TENM1: variants seen among roughly 807,000 people sequenced by gnomAD.
The protein encoded by TENM1 is teneurin transmembrane protein 1, also known as teneurin-1.
A neutral mutation model predicts 174.8 loss-of-function variants in TENM1; 35 were observed. The ratio of observed to expected loss-of-function variants is 0.20; its 90% CI spans 0.15 to 0.27. The LOEUF is 0.27. TENM1 is among the 10% of genes least tolerant of loss of function. TENM1 has a pLI of 1.00. For missense variants in TENM1, 1,633 were observed against 2,130.1 expected, an observed-to-expected ratio of 0.77 and a Z score of 4.59; for synonymous variants, 781 against 798.7, an observed-to-expected ratio of 0.98 and a Z score of 0.37.
intron 16 of TENM1, among the ~76,000 whole-genome samples, chrX:124,524,038 C>T (rs2047917687): frequency 9.1e-6 from 1 of 109,483 alleles, no homozygotes; most frequent in Non-Finnish European, 1.9e-5. Context: ...CCATGCAAGG[C>T]TAATTTTTGT....
At chrX:125,155,882 C>T in the TENM1 span, among the ~76,000 whole-genome samples, 16 of 112,514 alleles carry the variant, frequency 1.4e-4, no homozygotes, top group South Asian at 5.5e-3. Context: ...CGGCTCTGGC[C>T]TCGGCCAGCC....
At chrX:124,956,540 C>T (rs927042633) in intron 1 of TENM1, among the ~76,000 whole-genome samples, 2 of 111,906 alleles carry the variant, frequency 1.8e-5, no homozygotes, top group Non-Finnish European at 3.8e-5. Context: ...CATTCCATTC[C>T]AGTTTTAGAT....
the TENM1 span, among the ~76,000 whole-genome samples, chrX:125,124,955 G>T: frequency 8.9e-6 from 1 of 112,205 alleles, no homozygotes; most frequent in East Asian, 2.8e-4. Context: ...GGTCAAAATA[G>T]CCCTTAACTT....
At chrX:124,582,564 T>A (rs751892761) in intron 11 of TENM1, among the ~76,000 whole-genome samples, 1 of 111,960 alleles carries the variant, frequency 8.9e-6, no homozygotes. Flanking sequence ...ATGCTACTTA[T>A]TGAGGTGGAA....
chrX:124,903,598 C>T (rs1603269303), intron 1 of TENM1, among the ~76,000 whole-genome samples: 1 of 112,100 alleles, frequency 8.9e-6, no homozygotes, highest in African/African-American at 3.2e-5. Flanking sequence ...CCTTAGTGAA[C>T]GGCTCCATTT....
rs772258933 is a variant in TENM1 at position 124,526,552 on chromosome X, A to T, written c.2772-2927T>A. On this transcript the variant is annotated intron_variant, in intron 16 of 31. Transcript: ENST00000422452. ...CTAAACCATTTCCAATGCCAAATAG[A>T]ATGCTGAATGATTACTTCTTTGGGA... 1.7e-4 allele frequency among the ~76,000 whole-genome samples: 19 copies of T among 112,081 alleles called. No homozygotes were observed. In the South Asian group the frequency reaches 7.2e-3, roughly 42 times the overall value.
the TENM1 span, among the ~76,000 whole-genome samples, chrX:125,102,537 C>G: frequency 8.9e-6 from 1 of 112,012 alleles, no homozygotes; most frequent in African/African-American, 3.2e-5. Context: ...TAGAGAATCA[C>G]TCAACCCTAT....
chrX:124,517,294 T>C (rs1750267788), intron 18 of TENM1, among the ~76,000 whole-genome samples: 1 of 110,866 alleles, frequency 9.0e-6, no homozygotes, highest in African/African-American at 3.3e-5. Flanking sequence ...ACCCCTGAAC[T>C]TAAAATAAAA....
rs149099608 is a variant in TENM1, at chrX:124,738,701, T to A, written c.536-1504A>T. Among the ~76,000 whole-genome samples, 77 of 111,826 alleles carry A rather than the reference T, an allele frequency of 6.9e-4. No homozygotes were observed. In the East Asian group the frequency reaches 0.017, roughly 25 times the overall value. ...AAAAAATCATCACAAATACTTAACA[T>A]CTCATTAACTTTTTTTAAACCTCTG... is the stretch of plus-strand genomic sequence containing the variant. On this transcript the variant is annotated intron_variant, in intron 3 of 31. Transcript: ENST00000422452.
chrX:124,967,037 C>G (rs956245491), upstream of TENM1, among the ~76,000 whole-genome samples: 3 of 111,666 alleles, frequency 2.7e-5, no homozygotes, highest in Non-Finnish European at 5.6e-5. Flanking sequence ...TACTACAAAG[C>G]AGAATGAAGT....
chrX:124,595,194 A>G (rs936986723), intron 11 of TENM1, among the ~76,000 whole-genome samples: 1 of 112,108 alleles, frequency 8.9e-6, no homozygotes, highest in African/African-American at 3.2e-5. Flanking sequence ...TTTAAATTAA[A>G]GCAATATGAG....
At chrX:124,912,416 A>G (rs2057852065) in intron 1 of TENM1, among the ~76,000 whole-genome samples, 1 of 110,857 alleles carries the variant, frequency 9.0e-6, no homozygotes, top group Non-Finnish European at 1.9e-5. Flanking sequence ...GAAACTCAAT[A>G]TCCTGAGAGA....
At chrX:124,796,250 T>C (rs1164202920) in intron 3 of TENM1, among the ~76,000 whole-genome samples, 1 of 112,221 alleles carries the variant, frequency 8.9e-6, no homozygotes, top group African/African-American at 3.2e-5. Context: ...AATTGTTCTC[T>C]GTGAGAAGGA....
chrX:124,967,590 T>C (rs985680959), upstream of TENM1, among the ~76,000 whole-genome samples: 10 of 111,428 alleles, frequency 9.0e-5, no homozygotes, highest in Admixed American at 6.7e-4. Flanking sequence ...CAAGTCAGTA[T>C]TTCCTCCCTC....
chrX:124,807,671 T>C (rs1176063008), intron 3 of TENM1, among the ~76,000 whole-genome samples: 1 of 110,695 alleles, frequency 9.0e-6, no homozygotes, highest in Admixed American at 9.6e-5. Context: ...AATGGTGACA[T>C]TAAAAAATCA....
the TENM1 span, among the ~76,000 whole-genome samples, chrX:125,197,564 C>T: frequency 1.8e-5 from 2 of 111,142 alleles, no homozygotes; most frequent in African/African-American, 3.3e-5. Flanking sequence ...CTACAAGTTC[C>T]GTGATAATTG....
upstream of TENM1, among the ~76,000 whole-genome samples, chrX:124,968,291 G>C (rs2058751058): frequency 8.9e-6 from 1 of 111,879 alleles, no homozygotes; most frequent in South Asian, 3.7e-4. Context: ...TTAAACTTCA[G>C]TTGATTATGA....
intron 3 of TENM1, among the ~76,000 whole-genome samples, chrX:124,753,679 T>C (rs1252960728): frequency 9.0e-6 from 1 of 111,639 alleles, no homozygotes; most frequent in Admixed American, 9.5e-5. Context: ...ACCTAATTTA[T>C]TGAGAATTTT....
At chrX:124,456,706 T>C (rs1160790476) in intron 22 of TENM1, among the ~76,000 whole-genome samples, 2 of 111,912 alleles carry the variant, frequency 1.8e-5, no homozygotes, top group Non-Finnish European at 3.8e-5. Context: ...TTTTAAGCTT[T>C]ATTCTTTGGA....
Sources: allele counts gnomAD v4.1 joint callset (sites outside exome capture counted in the v4.1 genomes callset), GRCh38; gene constraint gnomAD v4.1.1; transcripts MANE v1.5; gene names NCBI Gene and HGNC (gene_info 2026-07-23, HGNC 2026-07-21).